The following RPL22 variants were observed in gnomAD, a reference collection of about 807,000 sequenced individuals.
The protein encoded by RPL22 is large ribosomal subunit protein eL22.
Under a neutral mutation model 16.2 loss-of-function variants are expected in RPL22, and 4 were observed. That is an observed-to-expected ratio of 0.25 (90% CI 0.12 to 0.57). The LOEUF (loss-of-function observed/expected upper bound fraction) is 0.57, where lower values mean the gene tolerates loss of function less well. Among genes scored for constraint, RPL22 ranks in the 20% least tolerant of loss-of-function variants. RPL22 has a pLI of 0.92. For missense variants in RPL22, 83 were observed against 156.1 expected (o/e 0.53, Z 2.49); for synonymous variants, 43 against 54.8 (o/e 0.78, Z 0.95).
rs552137214 is a variant in RPL22, at chr1:6,197,314, G to A, written c.117+338C>T. ...TAAAGTGTTGGGATTACGGGCGTGAGCCACCGTGCCTGGCTTGTTTCTGGG... is the reference window on the plus strand; with the variant it reads ...TAAAGTGTTGGGATTACGGGCGTGAACCACCGTGCCTGGCTTGTTTCTGGG... On this transcript the variant is annotated intron_variant, in intron 2 of 3. Transcript: ENST00000234875. Among the ~76,000 whole-genome samples, 45 of 152,306 alleles carry A rather than the reference G, an allele frequency of 3.0e-4. No homozygotes were observed. The South Asian group carries it at 8.5e-3, about 29-fold the overall frequency.
At chr1:6,199,270 C>T in intron 1 of RPL22, 1 of 596,340 alleles carries the variant, frequency 1.7e-6, no homozygotes, top group Admixed American at 4.5e-5. Context: ...GGTCCGAGGA[C>T]CAGTGGCCGG....
At chr1:6,199,539 G>C in intron 1 of RPL22, 23 bp downstream of exon 1, 1 of 1,558,070 alleles carries the variant, frequency 6.4e-7, no homozygotes, top group Non-Finnish European at 8.7e-7. Context: ...TGGAGCCGAG[G>C]CCTCACGCGG....
intron 3 of RPL22, among the ~76,000 whole-genome samples, 182 bp from the exon 4 acceptor site, chr1:6,186,998 A>C (rs1667589683): frequency 6.6e-6 from 1 of 152,238 alleles, no homozygotes. Context: ...GCCACGTACC[A>C]TCGACATCGG....
chr1:6,192,540 A>G (rs1447123183), intron 3 of RPL22, among the ~76,000 whole-genome samples: 1 of 152,124 alleles, frequency 6.6e-6, no homozygotes, highest in African/African-American at 2.4e-5. Flanking sequence ...TTCTACTAAA[A>G]ATACAAAAAT....
intron 2 of RPL22, among the ~76,000 whole-genome samples, chr1:6,197,132 C>T (rs975032290): frequency 2.0e-5 from 3 of 152,234 alleles, no homozygotes; most frequent in East Asian, 1.9e-4. Flanking sequence ...CGTGTTCACG[C>T]GATTCTTCTA....
chr1:6,189,993 A>T (rs1338830956), intron 3 of RPL22, among the ~76,000 whole-genome samples: 1 of 152,200 alleles, frequency 6.6e-6, no homozygotes, highest in African/African-American at 2.4e-5. Context: ...GACACCTTGA[A>T]CCTTTCAGGA....
At chr1:6,190,108 G>A (rs1252666373) in intron 3 of RPL22, among the ~76,000 whole-genome samples, 1 of 152,130 alleles carries the variant, frequency 6.6e-6, no homozygotes, top group African/African-American at 2.4e-5. Context: ...CGCAAGTGAC[G>A]CATGTCAGGA....
intron 1 of RPL22, 93 bp from the exon 2 acceptor site, chr1:6,197,849 C>G: frequency 1.1e-6 from 1 of 924,570 alleles, no homozygotes; most frequent in East Asian, 2.6e-5. Context: ...GTATAAAAGT[C>G]CATACAAATA....
intron 1 of RPL22, chr1:6,199,253 C>T (rs915427897): frequency 4.3e-6 from 2 of 470,074 alleles, no homozygotes; most frequent in South Asian, 1.0e-4. Flanking sequence ...ATCAGGCCCC[C>T]GGCCGGGGTC....
At position 6,191,434 on chromosome 1, in the gene RPL22, G is replaced by A. The variant is rs867273435; in HGVS notation, c.242+1496C>T. The stretch of plus-strand genomic sequence containing the variant: ...TGTAATCCCAGCACTCTGGGAGGCC[G>A]AGGCGGGCGGATCACGAGGTCAGGA... On this transcript the variant is annotated intron_variant, in intron 3 of 3. Transcript: ENST00000234875. Among the ~76,000 whole-genome samples the A allele has an allele frequency of 4.6e-4, 68 of 146,506 alleles. 1 individual carries two copies. Among genetic ancestry groups the A allele is most frequent in the African/African-American group, 1.6e-3 (62 of 39,368 alleles).
rs1667586833 is a variant in RPL22, at chr1:6,186,797, T to G, written c.262A>C (p.Lys88Gln). ...AGATTATTCTTCTTCAAATATTTTT[T>G]GGTGAGATATTTCAAATACCTGCAG... ...FSKRYLKYLT[K>Q]KYLKKNNLRD... Residue 88 changes from lysine to glutamine, a missense_variant, in exon 4 of 4, where the codon AAA (lysine) becomes CAA (glutamine). Lys to Gln is a moderately conservative substitution (Grantham distance 53). Coordinates refer to ENST00000234875, the MANE Select transcript of RPL22 (RefSeq NM_000983.4). 1 of 1,613,226 alleles carries G rather than the reference T, an allele frequency of 6.2e-7. No individual in the cohort carries two copies. The highest frequency in any genetic ancestry group is 1.7e-5 in the Admixed American group (1 of 59,848).
At chr1:6,192,897 C>A in intron 3 of RPL22, 33 bp downstream of exon 3, 1 of 1,589,940 alleles carries the variant, frequency 6.3e-7, no homozygotes, top group South Asian at 1.1e-5. Flanking sequence ...GCACTGGGTG[C>A]ACGCAGGCCA....
rs1667743214 is a variant in RPL22 at position 6,198,059 on chromosome 1, T to TA, written c.13-304dup. The TA allele has an allele frequency of 3.1e-5, 10 of 326,624 alleles. No homozygotes were observed. In the South Asian group the frequency reaches 8.7e-4, roughly 28 times the overall value. The allele number at this position is 326,624 out of a possible 1,614,324, so 20.2% of individuals were successfully genotyped here. Reference sequence around the variant, plus strand: ...AATCTCTACAGGCATGAAGGTCTCTTAGTTTATGAACCACAATAAAATGAA... The same window carrying TA: ...AATCTCTACAGGCATGAAGGTCTCTTAAGTTTATGAACCACAATAAAATGAA... On this transcript the variant is annotated intron_variant, in intron 1 of 3. Coordinates refer to ENST00000234875, the MANE Select transcript of RPL22 (RefSeq NM_000983.4).
chr1:6,192,763 T>G (rs533441686), intron 3 of RPL22, among the ~76,000 whole-genome samples, 167 bp downstream of exon 3: 1 of 152,240 alleles, frequency 6.6e-6, no homozygotes, highest in African/African-American at 2.4e-5. Flanking sequence ...AGTTGACTAT[T>G]GTTAACAACC....
chr1:6,191,359 CAA>C (rs769446432), intron 3 of RPL22, among the ~76,000 whole-genome samples: 657 of 32,360 alleles, frequency 0.02, 5 homozygotes, highest in African/African-American at 0.078. Context: ...GACTCCGTCT[CAA>C]AAAAAAAAAA....
rs890911329 is a variant in RPL22, at chr1:6,185,234, C to T, written c.*1438G>A. Reference sequence around the variant, plus strand: ...CTAAAAATGACTTACTACATGGGAACATCAATGCAACAAGTAGAATTTGTA... The same window carrying T: ...CTAAAAATGACTTACTACATGGGAATATCAATGCAACAAGTAGAATTTGTA... On this transcript the variant is annotated 3_prime_UTR_variant, in exon 4 of 4. Transcript: ENST00000234875. The T allele has an allele frequency of 1.0e-5, 4 of 398,460 alleles. No homozygotes were observed. Among genetic ancestry groups the T allele is most frequent in the African/African-American group, 8.2e-5 (4 of 48,610 alleles). 24.7% of individuals were successfully genotyped at this position (398,460 alleles called of 1,614,324 possible).
chr1:6,199,260 G>T (rs1348768627), intron 1 of RPL22: 12 of 508,626 alleles, frequency 2.4e-5, no homozygotes, highest in Non-Finnish European at 3.6e-5. Context: ...CCCCGGCCGG[G>T]GTCCGAGGAC....
chr1:6,187,563 G>A (rs575220351), intron 3 of RPL22, among the ~76,000 whole-genome samples: 10 of 140,192 alleles, frequency 7.1e-5, no homozygotes, highest in Admixed American at 5.2e-4. Flanking sequence ...GCAGTGAGCC[G>A]AGATGGCGCC....
chr1:6,188,165 G>A (rs1460636172), intron 3 of RPL22, among the ~76,000 whole-genome samples: 2 of 152,166 alleles, frequency 1.3e-5, no homozygotes, highest in African/African-American at 4.8e-5. Flanking sequence ...CCATGTAGCT[G>A]GGATTACAGG....
Sources: gnomAD v4.1 joint callset for allele counts (sites outside exome capture counted in the v4.1 genomes callset) on GRCh38, gnomAD v4.1.1 for gene constraint, MANE v1.5 for transcripts, NCBI Gene and HGNC (gene_info 2026-07-23, HGNC 2026-07-21) for gene names.